Variants in INPP5D observed in about 807,000 individuals in gnomAD.
INPP5D encodes phosphatidylinositol 3,4,5-trisphosphate 5-phosphatase 1.
A neutral mutation model predicts 122.9 loss-of-function variants in INPP5D; 33 were observed. The ratio of observed to expected loss-of-function variants is 0.27; its 90% CI spans 0.20 to 0.36. The LOEUF (loss-of-function observed/expected upper bound fraction) is 0.36, where lower values mean the gene tolerates loss of function less well. Ranked by LOEUF, INPP5D falls within the 10% of genes least tolerant of loss-of-function variation. The pLI, the probability that INPP5D is intolerant of heterozygous loss-of-function variation, is 1.00. For synonymous variants in INPP5D, 584 were observed against 576.2 expected, an observed-to-expected ratio of 1.01 and a Z score of -0.19; for missense variants, 1,053 against 1,412.7, an observed-to-expected ratio of 0.75 and a Z score of 4.08.
At chr2:233,118,080 G>A (rs867856371) in intron 2 of INPP5D, among the ~76,000 whole-genome samples, 26 of 152,298 alleles carry the variant, frequency 1.7e-4, no homozygotes, top group South Asian at 6.2e-4. Context: ...GGCCTGCTGT[G>A]GGTGGGAACC....
intron 5 of INPP5D, among the ~76,000 whole-genome samples, chr2:233,132,384 C>T (rs1693352580): frequency 6.6e-6 from 1 of 152,244 alleles, no homozygotes; most frequent in African/African-American, 2.4e-5. Flanking sequence ...GTCACCTCAT[C>T]ACTATGGCGG....
intron 1 of INPP5D, among the ~76,000 whole-genome samples, chr2:233,071,584 T>C (rs1010327902): frequency 2.0e-5 from 3 of 152,216 alleles, no homozygotes; most frequent in Non-Finnish European, 2.9e-5. Flanking sequence ...AAAACTACTA[T>C]TGGGACTTTG....
intron 2 of INPP5D, among the ~76,000 whole-genome samples, chr2:233,081,936 G>A (rs932612196): frequency 1.3e-5 from 2 of 152,144 alleles, no homozygotes; most frequent in East Asian, 1.9e-4. Context: ...TGTATGAATC[G>A]GCTGTCTTGG....
intron 1 of INPP5D, among the ~76,000 whole-genome samples, chr2:233,069,617 TTA>T (rs1047010538): frequency 6.6e-6 from 1 of 152,190 alleles, no homozygotes; most frequent in African/African-American, 2.4e-5. Context: ...TATTTTAATT[TTA>T]GTCTGAGATT....
At chr2:233,086,537 C>T (rs1261602177) in intron 2 of INPP5D, among the ~76,000 whole-genome samples, 2 of 152,112 alleles carry the variant, frequency 1.3e-5, no homozygotes, top group African/African-American at 4.8e-5. Context: ...TGGGTCTCTG[C>T]TGCTGCCTTG....
intron 2 of INPP5D, among the ~76,000 whole-genome samples, chr2:233,101,697 C>A (rs1692318407): frequency 7.0e-6 from 1 of 143,356 alleles, no homozygotes; most frequent in South Asian, 2.1e-4. Flanking sequence ...GTAGTAATTG[C>A]ATATTATATA....
chr2:233,181,835 G>A (rs1270460300), intron 18 of INPP5D, among the ~76,000 whole-genome samples: 3 of 152,178 alleles, frequency 2.0e-5, no homozygotes, highest in East Asian at 1.9e-4. Context: ...GGTGGCTCAC[G>A]TCTGTAATCC....
chr2:233,116,811 A>AG (rs1237676854), intron 2 of INPP5D, among the ~76,000 whole-genome samples: 1 of 149,550 alleles, frequency 6.7e-6, no homozygotes, highest in Non-Finnish European at 1.5e-5. Context: ...TGGCCAAGCT[A>AG]GTCTTGAACT....
chr2:233,062,660 C>A (rs1162366046), intron 1 of INPP5D, among the ~76,000 whole-genome samples: 1 of 152,152 alleles, frequency 6.6e-6, no homozygotes, highest in East Asian at 1.9e-4. Context: ...AGCCTCCTAT[C>A]CTGAGGCTGC....
rs1691036128 is a variant in INPP5D, at chr2:233,060,446, C to T, written c.-33C>T. On this transcript the variant is annotated 5_prime_UTR_variant, in exon 1 of 27. Transcript: ENST00000445964. ...GGTGGTGTGTGGGTCCTGGGGGTGC[C>T]TGCCGGCCCGGCCGAGGAGGCCCAC... 1.3e-6 allele frequency: 2 copies of T among 1,565,126 alleles called. No individual in the cohort carries two copies. The highest frequency in any genetic ancestry group is 1.7e-6 in the Non-Finnish European group (2 of 1,153,592).
chr2:233,109,866 A>G (rs142283350), intron 2 of INPP5D, among the ~76,000 whole-genome samples: 2,586 of 151,322 alleles, frequency 0.017, 59 homozygotes, highest in African/African-American at 0.055. Flanking sequence ...GATTACAGGC[A>G]GAAGCCACAG....
chr2:233,139,818 G>A, intron 5 of INPP5D, 24 bp from the exon 6 acceptor site: 2 of 398,688 alleles, frequency 5.0e-6, no homozygotes, highest in South Asian at 2.5e-4. Context: ...AATCCTTGAT[G>A]TTCACCTTGT....
rs867471646 is a variant in INPP5D at position 233,114,339 on chromosome 2, G to T, written c.199-7768G>T. On this transcript the variant is annotated intron_variant, in intron 2 of 26. Coordinates refer to ENST00000445964, the MANE Select transcript of INPP5D (RefSeq NM_001017915.3). Reference sequence around the variant, plus strand: ...GGCCCTATGATTCTTAAATTTGGGGGAGAGGAGGTGGTTAAAGGTTGAGAC... The same window carrying T: ...GGCCCTATGATTCTTAAATTTGGGGTAGAGGAGGTGGTTAAAGGTTGAGAC... Among the ~76,000 whole-genome samples the T allele has an allele frequency of 1.1e-4, 16 of 152,358 alleles. No individual in the cohort carries two copies. In the Middle Eastern group the frequency reaches 0.01, roughly 97 times the overall value.
intron 2 of INPP5D, among the ~76,000 whole-genome samples, chr2:233,117,953 C>T (rs539221273): frequency 6.6e-6 from 1 of 152,294 alleles, no homozygotes; most frequent in South Asian, 2.1e-4. Context: ...GGCGGCAAAT[C>T]CATGGAACCA....
intron 5 of INPP5D, 111 bp from the exon 6 acceptor site, chr2:233,139,731 G>A (rs1232145240): frequency 4.6e-5 from 18 of 393,080 alleles, no homozygotes; most frequent in African/African-American, 1.9e-4. Context: ...AGAATTACCT[G>A]CTTCTGCTGG....
intron 21 of INPP5D, among the ~76,000 whole-genome samples, chr2:233,186,680 C>CTTTTT (rs1694925017): frequency 3.6e-5 from 1 of 27,538 alleles, no homozygotes; most frequent in African/African-American, 1.1e-4. Context: ...TTCTTTTTCT[C>CTTTTT]TTTCTTTTTT....
intron 1 of INPP5D, among the ~76,000 whole-genome samples, chr2:233,068,144 C>T (rs942421110): frequency 6.6e-6 from 1 of 151,954 alleles, no homozygotes; most frequent in African/African-American, 2.4e-5. Context: ...AATTAGCCTG[C>T]GATGGTGGCA....
intron 18 of INPP5D, among the ~76,000 whole-genome samples, chr2:233,181,313 A>C (rs1222566767): frequency 6.6e-6 from 1 of 151,874 alleles, no homozygotes; most frequent in Non-Finnish European, 1.5e-5. Flanking sequence ...CTGATTTGTA[A>C]ATGCTTTCTA....
intron 2 of INPP5D, among the ~76,000 whole-genome samples, chr2:233,099,135 G>C (rs537991360): frequency 4.1e-4 from 62 of 152,150 alleles, no homozygotes; most frequent in Middle Eastern, 3.4e-3. Flanking sequence ...ATTTATAGTA[G>C]AGGCGAGGTT....
Sources: allele counts gnomAD v4.1 joint callset (sites outside exome capture counted in the v4.1 genomes callset), GRCh38; gene constraint gnomAD v4.1.1; transcripts MANE v1.5; gene names NCBI Gene and HGNC (gene_info 2026-07-23, HGNC 2026-07-21).